Variants in CEP85L observed in about 807,000 individuals in gnomAD.
CEP85L encodes centrosomal protein of 85 kDa-like.
CEP85L carries 60 observed loss-of-function variants against 100.3 expected under a neutral mutation model. That is an observed-to-expected ratio of 0.60 (90% CI 0.49 to 0.74). The LOEUF is 0.74. CEP85L is among the 30% of genes least tolerant of loss of function. CEP85L has a pLI of 0.00. For missense variants in CEP85L, 973 were observed against 936.2 expected, an observed-to-expected ratio of 1.04 and a Z score of -0.51; for synonymous variants, 319 against 322.7, an observed-to-expected ratio of 0.99 and a Z score of 0.12.
intron 3 of CEP85L, chr6:118,559,482 G>T (rs1660951306): frequency 8.6e-6 from 2 of 232,764 alleles, no homozygotes. Context: ...CAATGTAAAA[G>T]CTTCTTTAAT....
At chr6:118,644,914 A>G (rs1775085003) in intron 1 of CEP85L, among the ~76,000 whole-genome samples, 1 of 152,224 alleles carries the variant, frequency 6.6e-6, no homozygotes, top group African/African-American at 2.4e-5. Flanking sequence ...GTAAACACCT[A>G]GGACAAGGAA....
At chr6:118,583,658 C>A (rs1780700541) in intron 2 of CEP85L, among the ~76,000 whole-genome samples, 1 of 152,164 alleles carries the variant, frequency 6.6e-6, no homozygotes, top group Non-Finnish European at 1.5e-5. Flanking sequence ...GATCCCACTT[C>A]TTTTCCTAAC....
At chr6:118,484,320 TAAAC>T (rs1267894657) in intron 6 of CEP85L, among the ~76,000 whole-genome samples, 4 of 152,152 alleles carry the variant, frequency 2.6e-5, no homozygotes, top group Non-Finnish European at 4.4e-5. Flanking sequence ...TGTCTCAATT[TAAAC>T]AAACAAACAA....
At chr6:118,563,193 A>G (rs565276322) in intron 3 of CEP85L, among the ~76,000 whole-genome samples, 1 of 152,258 alleles carries the variant, frequency 6.6e-6, no homozygotes, top group East Asian at 1.9e-4. Context: ...TTCATTCACA[A>G]AGGAAAATGA....
At chr6:118,652,557 T>C, upstream of CEP85L, 1 of 1,429,694 alleles carries the variant, frequency 7.0e-7, no homozygotes, top group Non-Finnish European at 9.2e-7. Flanking sequence ...TAGAGAGGCT[T>C]TGAGTTCCGC....
At chr6:118,512,376 T>C (rs147203690) in intron 4 of CEP85L, among the ~76,000 whole-genome samples, 128 of 152,108 alleles carry the variant, frequency 8.4e-4, no homozygotes, top group African/African-American at 2.9e-3. Context: ...CCAAAAAAAA[T>C]ATTACAGGGA....
intron 5 of CEP85L, among the ~76,000 whole-genome samples, chr6:118,498,464 A>T (rs1014228023): frequency 2.6e-4 from 39 of 152,190 alleles, no homozygotes; most frequent in Non-Finnish European, 4.9e-4. Context: ...TTAATCTACT[A>T]TCGCAGTTGG....
At chr6:118,583,630 G>C (rs556043765) in intron 2 of CEP85L, among the ~76,000 whole-genome samples, 4 of 152,166 alleles carry the variant, frequency 2.6e-5, no homozygotes, top group Admixed American at 2.6e-4. Context: ...CACTACGCCA[G>C]TCCAGATCTA....
intron 5 of CEP85L, among the ~76,000 whole-genome samples, chr6:118,501,205 C>A (rs1775278088): frequency 6.6e-6 from 1 of 152,256 alleles, no homozygotes. Context: ...AGAGGTGCTT[C>A]TCTGACTTGT....
intron 1 of CEP85L, among the ~76,000 whole-genome samples, chr6:118,663,765 G>A (rs1283482034): frequency 1.3e-5 from 2 of 152,056 alleles, no homozygotes; most frequent in Non-Finnish European, 2.9e-5. Context: ...TTATATAGAA[G>A]GGCATAGTAT....
At chr6:118,563,641 G>T (rs374355482) in intron 3 of CEP85L, among the ~76,000 whole-genome samples, 8 of 152,160 alleles carry the variant, frequency 5.3e-5, no homozygotes, top group African/African-American at 1.9e-4. Context: ...TTTAGAGACG[G>T]GGTCTGGCCA....
At chr6:118,697,772 C>T (rs1182348357) in intron 1 of CEP85L, among the ~76,000 whole-genome samples, 1 of 152,098 alleles carries the variant, frequency 6.6e-6, no homozygotes, top group Non-Finnish European at 1.5e-5. Flanking sequence ...TATTTCCACT[C>T]GAATATGTCT....
chr6:118,516,657 G>C (rs1032915679), intron 4 of CEP85L, among the ~76,000 whole-genome samples: 1 of 152,146 alleles, frequency 6.6e-6, no homozygotes, highest in Admixed American at 6.5e-5. Flanking sequence ...CCCTTTGTCA[G>C]ATGGATACAT....
intron 2 of CEP85L, among the ~76,000 whole-genome samples, chr6:118,610,894 A>C (rs927307180): frequency 2.0e-5 from 3 of 152,228 alleles, no homozygotes; most frequent in Non-Finnish European, 4.4e-5. Context: ...AAAAGAAAAG[A>C]AGCATCAGAC....
chr6:118,605,037 G>A (rs1008078191), intron 2 of CEP85L, among the ~76,000 whole-genome samples: 102 of 152,128 alleles, frequency 6.7e-4, no homozygotes, highest in African/African-American at 1.8e-3. Flanking sequence ...AGAAGATTCC[G>A]CACGTGTAAG....
At chr6:118,688,605 G>T (rs576839863) in intron 1 of CEP85L, among the ~76,000 whole-genome samples, 2 of 152,220 alleles carry the variant, frequency 1.3e-5, no homozygotes, top group East Asian at 3.9e-4. Flanking sequence ...TAAACCTTTT[G>T]CAGTCTTATC....
chr6:118,608,473 C>T (rs1451241361), intron 2 of CEP85L, among the ~76,000 whole-genome samples: 8 of 151,148 alleles, frequency 5.3e-5, no homozygotes, highest in African/African-American at 1.7e-4. Flanking sequence ...CCAGCCTGGG[C>T]GACAGAGCAA....
At position 118,461,956 on chromosome 6, in the gene CEP85L, T is replaced by C. The variant is rs1772256396; in HGVS notation, c.*3449A>G. On this transcript the variant is annotated 3_prime_UTR_variant, in exon 13 of 13. Transcript: ENST00000368491. ...ATATAGTCCATGTTCTTAGCTACTA[T>C]GTTACTTAATGAACTATTACTGATA... is the stretch of plus-strand genomic sequence containing the variant. The C allele has an allele frequency of 6.6e-6, 1 of 152,062 alleles. No homozygotes were observed. Among genetic ancestry groups the C allele is most frequent in the South Asian group, 2.1e-4 (1 of 4,836 alleles). 9.4% of individuals were successfully genotyped at this position (152,062 alleles called of 1,614,324 possible). A position where few individuals can be genotyped will look rare whatever the true frequency, so the allele number is the denominator to read the frequency against.
chr6:118,544,656 G>C (rs917836809), intron 3 of CEP85L, among the ~76,000 whole-genome samples: 6 of 152,018 alleles, frequency 3.9e-5, no homozygotes, highest in Non-Finnish European at 8.8e-5. Context: ...TCAAGATGAG[G>C]AAAGAGAATT....
Sources: gnomAD v4.1 joint callset for allele counts (sites outside exome capture counted in the v4.1 genomes callset) on GRCh38, gnomAD v4.1.1 for gene constraint, MANE v1.5 for transcripts, NCBI Gene and HGNC (gene_info 2026-07-23, HGNC 2026-07-21) for gene names.